HNRNPR: variants seen among roughly 807,000 people sequenced by gnomAD.
The protein encoded by HNRNPR is heterogeneous nuclear ribonucleoprotein R.
A neutral mutation model predicts 70.3 loss-of-function variants in HNRNPR; 4 were observed. The ratio of observed to expected loss-of-function variants is 0.06; its 90% confidence interval spans 0.03 to 0.13. The LOEUF is 0.13. HNRNPR is among the 10% of genes least tolerant of loss of function. The pLI, the probability that HNRNPR is intolerant of heterozygous loss-of-function variation, is 1.00. For missense variants in HNRNPR, 423 were observed against 788.5 expected (o/e 0.54, Z 5.55); for synonymous variants, 241 against 267.6 (o/e 0.90, Z 0.97).
rs75476524 is a variant in HNRNPR, at chr1:23,304,947, A to C, written c.*5507T>G. ...CCTAACATTATAATGGGATTCACTA[A>C]GTACAAGTCTACCTACATTATCGAA... On this transcript the variant is annotated 3_prime_UTR_variant, in exon 11 of 11. Transcript: ENST00000302271. 3.9e-5 allele frequency: 6 copies of C among 152,306 alleles called. No individual in the cohort carries two copies. The East Asian group carries it at 9.6e-4, about 24-fold the overall frequency. 9.4% of individuals were successfully genotyped at this position (152,306 alleles called of 1,614,324 possible). A position where few individuals can be genotyped will look rare whatever the true frequency, so the allele number is the denominator to read the frequency against.
intron 8 of HNRNPR, among the ~76,000 whole-genome samples, chr1:23,314,057 G>GA (rs1271090060): frequency 1.4e-4 from 22 of 151,736 alleles, no homozygotes; most frequent in Middle Eastern, 6.8e-3. Flanking sequence ...AAGTTCATAT[G>GA]AAAAAATAAA....
At chr1:23,325,101 C>A (rs1432568493) in intron 5 of HNRNPR, among the ~76,000 whole-genome samples, 4 of 151,788 alleles carry the variant, frequency 2.6e-5, no homozygotes, top group Non-Finnish European at 4.4e-5. Context: ...GATCGCGCCA[C>A]TACACTCCAG....
At position 23,318,986 on chromosome 1, in the gene HNRNPR, A is replaced by C. The variant is rs996258879; in HGVS notation, c.812-298T>G. ...CGTTTGATATAACATGACTTTATTA[A>C]AGCACTAACAAGGATCTTAAAAACA... On this transcript the variant is annotated intron_variant, in intron 7 of 10. Coordinates refer to ENST00000302271, the MANE Select transcript of HNRNPR (RefSeq NM_005826.5). This position sits in a 1 kb window ranked among gnomAD's most constrained non-coding sequence, Gnocchi z 4.2. Among the ~76,000 whole-genome samples, 1 of 152,208 alleles carries C rather than the reference A, an allele frequency of 6.6e-6. No individual in the cohort carries two copies. The highest frequency in any genetic ancestry group is 1.5e-5 in the Non-Finnish European group (1 of 68,036).
rs1645243038 is a variant in HNRNPR at position 23,308,710 on chromosome 1, A to C, written c.*1744T>G. On this transcript the variant is annotated 3_prime_UTR_variant, in exon 11 of 11. Transcript: ENST00000302271. The stretch of plus-strand genomic sequence containing the variant: ...GTGTACTTTGAAAAAGAAATGAAAT[A>C]TATTGACTTTCATCAGTAAATAGTA... The C allele has an allele frequency of 6.6e-6, 1 of 152,108 alleles. No homozygotes were observed. The highest frequency in any genetic ancestry group is 2.4e-5 in the African/African-American group (1 of 41,462). The allele number at this position is 152,108 out of a possible 1,614,324, so 9.4% of individuals were successfully genotyped here.
intron 7 of HNRNPR, among the ~76,000 whole-genome samples, chr1:23,319,313 G>C (rs188483804): frequency 1.4e-4 from 21 of 152,192 alleles, no homozygotes; most frequent in African/African-American, 4.8e-4. Context: ...TATCCTCTTT[G>C]ATGTCTTAGA....
chr1:23,337,704 A>T, intron 4 of HNRNPR, 50 bp downstream of exon 4: 4 of 1,011,022 alleles, frequency 4.0e-6, no homozygotes, highest in Non-Finnish European at 4.6e-6. Context: ...GAGGCATTTG[A>T]CCTCATCATT....
intron 1 of HNRNPR, among the ~76,000 whole-genome samples, chr1:23,343,209 A>T (rs1302850284): frequency 1.3e-5 from 2 of 152,206 alleles, no homozygotes; most frequent in East Asian, 3.8e-4. Context: ...AAAAGGAGAC[A>T]TTTAAAGATT....
intron 5 of HNRNPR, among the ~76,000 whole-genome samples, chr1:23,328,663 C>T (rs1646095154): frequency 6.6e-6 from 1 of 152,174 alleles, no homozygotes; most frequent in Non-Finnish European, 1.5e-5. Flanking sequence ...CCACGCCTGA[C>T]TAATTTTTGT....
At chr1:23,326,841 C>G (rs1646003230) in intron 5 of HNRNPR, among the ~76,000 whole-genome samples, 1 of 152,164 alleles carries the variant, frequency 6.6e-6, no homozygotes, top group Non-Finnish European at 1.5e-5. Context: ...GCCTTCTCTA[C>G]AAGTATTAAC....
rs1361650626 is a variant in HNRNPR, at chr1:23,318,268, T to C, written c.1017+215A>G. Among the ~76,000 whole-genome samples the C allele has an allele frequency of 6.6e-6, 1 of 152,072 alleles. No homozygotes were observed. The highest frequency in any genetic ancestry group is 2.4e-5 in the African/African-American group (1 of 41,436). ...TTGAAGGAATTTCATTTCAGTTCCT[T>C]TTGCACATTTAATCTGCAGGAAAAG... On this transcript the variant is annotated intron_variant, in intron 8 of 10. Coordinates refer to ENST00000302271, the MANE Select transcript of HNRNPR (RefSeq NM_005826.5). The surrounding 1 kb of genome is among the most constrained non-coding windows in gnomAD (Gnocchi z 4.2).
intron 9 of HNRNPR, 61 bp downstream of exon 9, chr1:23,313,492 T>C (rs1645415391): frequency 9.2e-7 from 1 of 1,091,406 alleles, no homozygotes; most frequent in South Asian, 1.6e-5. Flanking sequence ...AGTTACTTTG[T>C]GTTTGGCAAG....
Position 23,313,533 on chromosome 1 carries a change from C to G in HNRNPR, c.1167+20G>C, listed in dbSNP as rs368959111. Reference sequence around the variant, plus strand: ...AAAACAAAATTCAAATATCAAGAACCAAAATTTCAAAATTCCTACCTTAAC... The same window carrying G: ...AAAACAAAATTCAAATATCAAGAACGAAAATTTCAAAATTCCTACCTTAAC... On this transcript the variant is annotated intron_variant, in intron 9 of 10. Transcript: ENST00000302271. The G allele has an allele frequency of 9.2e-6, 14 of 1,521,080 alleles. No homozygotes were observed. The African/African-American group carries it at 1.8e-4, about 20-fold the overall frequency. The allele number at this position is 1,521,080 out of a possible 1,614,324, so 94.2% of individuals were successfully genotyped here. A position where few individuals can be genotyped will look rare whatever the true frequency, so the allele number is the denominator to read the frequency against.
intron 7 of HNRNPR, among the ~76,000 whole-genome samples, chr1:23,320,003 A>G (rs936107271): frequency 6.6e-6 from 1 of 152,192 alleles, no homozygotes; most frequent in Non-Finnish European, 1.5e-5. Flanking sequence ...TTCCTGCTTC[A>G]GTGTCTTATC....
Position 23,318,447 on chromosome 1 carries a change from G to A in HNRNPR, c.1017+36C>T. 6.6e-7 allele frequency: 1 copy of A among 1,507,662 alleles called. No homozygotes were observed. The highest frequency in any genetic ancestry group is 2.3e-5 in the East Asian group (1 of 44,276). 93.4% of individuals were successfully genotyped at this position (1,507,662 alleles called of 1,614,324 possible). On this transcript the variant is annotated intron_variant, in intron 8 of 10. Coordinates refer to ENST00000302271, the MANE Select transcript of HNRNPR (RefSeq NM_005826.5). The surrounding 1 kb of genome is among the most constrained non-coding windows in gnomAD (Gnocchi z 4.2). ...TTTATTCTGAGTACAAAATTTAAAT[G>A]ATGACCCTATGCCCATTCCAAGCAA...
chr1:23,315,771 T>C (rs971734498), intron 8 of HNRNPR, among the ~76,000 whole-genome samples: 4 of 152,180 alleles, frequency 2.6e-5, no homozygotes, highest in Non-Finnish European at 5.9e-5. Flanking sequence ...TAAAGGGCTA[T>C]CTAATAAGAA....
At chr1:23,328,942 G>A (rs1023767322) in intron 5 of HNRNPR, among the ~76,000 whole-genome samples, 1 of 152,088 alleles carries the variant, frequency 6.6e-6, no homozygotes, top group Admixed American at 6.6e-5. Context: ...AACAAAGCGA[G>A]ACCCTGCCTC....
chr1:23,314,976 A>C (rs2148331580), intron 8 of HNRNPR, among the ~76,000 whole-genome samples: 1 of 152,296 alleles, frequency 6.6e-6, no homozygotes, highest in East Asian at 1.9e-4. Flanking sequence ...ACTACTATGT[A>C]GTCATAAAAA....
intron 4 of HNRNPR, among the ~76,000 whole-genome samples, chr1:23,335,617 A>G (rs1212496396): frequency 6.6e-6 from 1 of 152,030 alleles, no homozygotes; most frequent in Non-Finnish European, 1.5e-5. Flanking sequence ...CAAGGGATCT[A>G]GGTTGCATGC....
At position 23,309,348 on chromosome 1, in the gene HNRNPR, A is replaced by G. The variant is rs1382030983; in HGVS notation, c.*1106T>C. 1.3e-5 allele frequency: 2 copies of G among 152,138 alleles called. No individual in the cohort carries two copies. The highest frequency in any genetic ancestry group is 2.4e-5 in the African/African-American group (1 of 41,460). 9.4% of individuals were successfully genotyped at this position (152,138 alleles called of 1,614,324 possible). A position where few individuals can be genotyped will look rare whatever the true frequency, so the allele number is the denominator to read the frequency against. ...GTGCAATTGACGCCACAGTACTAAC[A>G]ATTTTCCCTGTATGTACATTCACTT... On this transcript the variant is annotated 3_prime_UTR_variant, in exon 11 of 11. Coordinates refer to ENST00000302271, the MANE Select transcript of HNRNPR (RefSeq NM_005826.5).
Sources: gnomAD v4.1 joint callset for allele counts (sites outside exome capture counted in the v4.1 genomes callset) on GRCh38, gnomAD v4.1.1 for gene constraint, Gnocchi (gnomAD v3.1) non-coding constraint, MANE v1.5 for transcripts, NCBI Gene and HGNC (gene_info 2026-07-23, HGNC 2026-07-21) for gene names.